ZNF558: variants seen among roughly 807,000 people sequenced by gnomAD.
The protein encoded by ZNF558 is zinc finger protein 558.
Under a neutral mutation model 37.6 loss-of-function variants are expected in ZNF558, and 23 were observed. That is an observed-to-expected ratio of 0.61 (90% CI 0.44 to 0.87). ZNF558 has a LOEUF of 0.87. Ranked by LOEUF, ZNF558 falls within the 40% of genes least tolerant of loss-of-function variation. ZNF558 has a pLI of 0.00. For missense variants in ZNF558, 429 were observed against 483.7 expected (o/e 0.89, Z 1.06); for synonymous variants, 189 against 174.4 (o/e 1.08, Z -0.66).
intron 7 of ZNF558, among the ~76,000 whole-genome samples, chr19:8,818,616 T>C (rs1415358644): frequency 6.6e-6 from 1 of 152,212 alleles, no homozygotes; most frequent in Non-Finnish European, 1.5e-5. Context: ...GCGAGGGATC[T>C]TGAACAGACA....
upstream of ZNF558, among the ~76,000 whole-genome samples, chr19:8,834,847 G>T (rs2044437502): frequency 6.6e-6 from 1 of 151,950 alleles, no homozygotes; most frequent in Admixed American, 6.6e-5. Context: ...ATCAAAAACA[G>T]GTGGCGAAAG....
upstream of ZNF558, chr19:8,833,457 C>T (rs1268140163): frequency 6.6e-6 from 1 of 152,106 alleles, no homozygotes; most frequent in Non-Finnish European, 1.5e-5. Flanking sequence ...TCTATCTTTC[C>T]AGATATAGTG....
intron 2 of ZNF558, among the ~76,000 whole-genome samples, chr19:8,828,229 A>T (rs1403614923): frequency 6.6e-6 from 1 of 152,212 alleles, no homozygotes; most frequent in African/African-American, 2.4e-5. Context: ...ACAGCCAAAG[A>T]AGTTAAGGCT....
Position 8,809,718 on chromosome 19 carries a change from TATGTTA to T in ZNF558, c.*1557_*1562del, listed in dbSNP as rs1555767060. 1 of 152,148 alleles carries T rather than the reference TATGTTA, an allele frequency of 6.6e-6. No homozygotes were observed. Among genetic ancestry groups the T allele is most frequent in the African/African-American group, 2.4e-5 (1 of 41,434 alleles). The allele number at this position is 152,148 out of a possible 1,614,324, so 9.4% of individuals were successfully genotyped here. On this transcript the variant is annotated 3_prime_UTR_variant, in exon 10 of 10. Coordinates refer to ENST00000601372, the MANE Select transcript of ZNF558 (RefSeq NM_144693.3). ...AATACATTGCATTAAAATTATGAAA[TATGTTA>T]ATGTTTATTTTAGGGAACAGCTATA...
At chr19:8,837,121 A>C (rs1409714558), upstream of ZNF558, among the ~76,000 whole-genome samples, 1 of 152,208 alleles carries the variant, frequency 6.6e-6, no homozygotes, top group Non-Finnish European at 1.5e-5. Context: ...GAAATGAATG[A>C]CCTCGCCCTC....
At chr19:8,830,005 T>C (rs2044313152) in intron 2 of ZNF558, among the ~76,000 whole-genome samples, 1 of 152,086 alleles carries the variant, frequency 6.6e-6, no homozygotes, top group African/African-American at 2.4e-5. Flanking sequence ...CCAAATCTCA[T>C]CTCGAGTTGT....
At position 8,811,246 on chromosome 19, in the gene ZNF558, A is replaced by C. The variant is rs2043779367; in HGVS notation, c.*35T>G. 1 of 1,516,648 alleles carries C rather than the reference A, an allele frequency of 6.6e-7. No individual in the cohort carries two copies. Among genetic ancestry groups the C allele is most frequent in the African/African-American group, 1.4e-5 (1 of 71,716 alleles). The allele number at this position is 1,516,648 out of a possible 1,614,324, so 93.9% of individuals were successfully genotyped here. On this transcript the variant is annotated 3_prime_UTR_variant, in exon 10 of 10. Transcript: ENST00000601372. Reference sequence around the variant, plus strand: ...CAAACTATCTTAGGGATGAAAGATCAATGAGTGCTTTCCTCCAGAAGTTCC... The same window carrying C: ...CAAACTATCTTAGGGATGAAAGATCCATGAGTGCTTTCCTCCAGAAGTTCC...
chr19:8,813,541 T>G (rs1482557847), intron 7 of ZNF558, among the ~76,000 whole-genome samples: 1 of 152,118 alleles, frequency 6.6e-6, no homozygotes, highest in South Asian at 2.1e-4. Flanking sequence ...GTATTTTTAG[T>G]AGAGACGGGG....
rs1323200195 is a variant in ZNF558 at position 8,807,673 on chromosome 19, C to T, written c.*3608G>A. 1 of 152,160 alleles carries T rather than the reference C, an allele frequency of 6.6e-6. No individual in the cohort carries two copies. The allele number at this position is 152,160 out of a possible 1,614,324, so 9.4% of individuals were successfully genotyped here. A position where few individuals can be genotyped will look rare whatever the true frequency, so the allele number is the denominator to read the frequency against. On this transcript the variant is annotated 3_prime_UTR_variant, in exon 10 of 10. Coordinates refer to ENST00000601372, the MANE Select transcript of ZNF558 (RefSeq NM_144693.3). ...GAGATCTCCGCTCAAATGCTCCTTA[C>T]CAAGAGGCTTTCTTTTCCTAGTTAT... is the stretch of plus-strand genomic sequence containing the variant.
At position 8,807,996 on chromosome 19, in the gene ZNF558, A is replaced by G. The variant is rs1225063694; in HGVS notation, c.*3285T>C. On this transcript the variant is annotated 3_prime_UTR_variant, in exon 10 of 10. Transcript: ENST00000601372. ...TCATCTGTAAACTGGGGATAATAAC[A>G]TTACATACTTAAGTTTATAATGCAT... is the stretch of plus-strand genomic sequence containing the variant. 6.6e-6 allele frequency: 1 copy of G among 152,200 alleles called. No homozygotes were observed. Among genetic ancestry groups the G allele is most frequent in the Non-Finnish European group, 1.5e-5 (1 of 68,040 alleles). The allele number at this position is 152,200 out of a possible 1,614,324, so 9.4% of individuals were successfully genotyped here. A position where few individuals can be genotyped will look rare whatever the true frequency, so the allele number is the denominator to read the frequency against.
chr19:8,838,079 T>G, the ZNF558 span, among the ~76,000 whole-genome samples: 1 of 150,912 alleles, frequency 6.6e-6, no homozygotes. Context: ...AAACCCCGTC[T>G]CTACTAAAAA....
chr19:8,828,370 T>C (rs1827044272), intron 2 of ZNF558, among the ~76,000 whole-genome samples: 1 of 152,166 alleles, frequency 6.6e-6, no homozygotes, highest in Admixed American at 6.5e-5. Context: ...AGACCCCAGA[T>C]AAGCGGGACA....
Position 8,811,188 on chromosome 19 carries a change from A to G in ZNF558, c.*93T>C. 1 of 1,357,976 alleles carries G rather than the reference A, an allele frequency of 7.4e-7. No homozygotes were observed. Among genetic ancestry groups the G allele is most frequent in the Non-Finnish European group, 9.9e-7 (1 of 1,007,520 alleles). 84.1% of individuals were successfully genotyped at this position (1,357,976 alleles called of 1,614,324 possible). A position where few individuals can be genotyped will look rare whatever the true frequency, so the allele number is the denominator to read the frequency against. On this transcript the variant is annotated 3_prime_UTR_variant, in exon 10 of 10. Transcript: ENST00000601372. ...TGCGGGGATCATTTGTTATGCTGCA[A>G]CAAATAACTTATATATCCAGTGTGA...
rs1452014335 is a variant in ZNF558, at chr19:8,810,313, T to A, written c.*968A>T. 4 of 152,220 alleles carry A rather than the reference T, an allele frequency of 2.6e-5. No homozygotes were observed. Among genetic ancestry groups the A allele is most frequent in the African/African-American group, 9.6e-5 (4 of 41,468 alleles). 9.4% of individuals were successfully genotyped at this position (152,220 alleles called of 1,614,324 possible). ...TAATGTGAACACTTTTGCTGTAGGGTATTCCGCATTTCTGAGTGTTGTTCC... is the reference window on the plus strand; with the variant it reads ...TAATGTGAACACTTTTGCTGTAGGGAATTCCGCATTTCTGAGTGTTGTTCC... On this transcript the variant is annotated 3_prime_UTR_variant, in exon 10 of 10. Transcript: ENST00000601372.
At chr19:8,818,753 G>A (rs2044005579) in intron 7 of ZNF558, among the ~76,000 whole-genome samples, 4 of 152,236 alleles carry the variant, frequency 2.6e-5, no homozygotes, top group Admixed American at 2.6e-4. Context: ...AATGGAGCCA[G>A]GAGCAGTGGC....
Position 8,811,566 on chromosome 19 carries a change from T to C in ZNF558, c.924A>G (p.Thr308=), listed in dbSNP as rs367879463. Residue 308 remains threonine (T), a synonymous_variant, in exon 10 of 10, where the codon ACA becomes ACG. Coordinates refer to ENST00000601372, the MANE Select transcript of ZNF558 (RefSeq NM_144693.3). ...GKTFRKSSYL[T]QHVRTHTGEK... ...CTCCAGTATGAGTTCTTACGTGCTGTGTCAGATAGGAGCTCTTCCTGAAGG... is the reference window on the plus strand; with the variant it reads ...CTCCAGTATGAGTTCTTACGTGCTGCGTCAGATAGGAGCTCTTCCTGAAGG... 1 of 1,613,912 alleles carries C rather than the reference T, an allele frequency of 6.2e-7. No individual in the cohort carries two copies. Among genetic ancestry groups the C allele is most frequent in the African/African-American group, 1.3e-5 (1 of 74,858 alleles).
intron 3 of ZNF558, among the ~76,000 whole-genome samples, chr19:8,824,674 G>A (rs1300598543): frequency 6.6e-6 from 1 of 152,096 alleles, no homozygotes; most frequent in African/African-American, 2.4e-5. Flanking sequence ...AGGGCTTGCT[G>A]GGCAGTTCTG....
rs2043733674 is a variant in ZNF558 at position 8,809,453 on chromosome 19, T to C, written c.*1828A>G. The C allele has an allele frequency of 6.6e-6, 1 of 152,150 alleles. No individual in the cohort carries two copies. The highest frequency in any genetic ancestry group is 1.5e-5 in the Non-Finnish European group (1 of 68,010). The allele number at this position is 152,150 out of a possible 1,614,324, so 9.4% of individuals were successfully genotyped here. ...CAACATGTTTGTTTCTTTAAACGAA[T>C]AAACTGAAGAGAACGGACACTGGGA... On this transcript the variant is annotated 3_prime_UTR_variant, in exon 10 of 10. Transcript: ENST00000601372.
intron 7 of ZNF558, among the ~76,000 whole-genome samples, chr19:8,818,280 T>C (rs966647743): frequency 1.8e-4 from 27 of 152,006 alleles, no homozygotes; most frequent in African/African-American, 6.5e-4. Flanking sequence ...GGTGGAACCC[T>C]ATCTCTACTA....
Sources: allele counts gnomAD v4.1 joint callset (sites outside exome capture counted in the v4.1 genomes callset), GRCh38; gene constraint gnomAD v4.1.1; transcripts MANE v1.5; gene names NCBI Gene and HGNC (gene_info 2026-07-23, HGNC 2026-07-21).